EGFR: variants seen among roughly 807,000 people sequenced by gnomAD.
The protein encoded by EGFR is avian erythroblastic leukemia viral (v-erb-b) oncogene homolog.
In EGFR, 58 loss-of-function variants were observed where a neutral mutation model predicts 143.0. The observed-to-expected ratio is 0.41, with a 90% CI of 0.33 to 0.50. The LOEUF (loss-of-function observed/expected upper bound fraction) is 0.50. Ranked by LOEUF, EGFR falls within the 20% of genes least tolerant of loss-of-function variation. The pLI is 0.39. For missense variants in EGFR, 1,307 were observed against 1,579.0 expected (o/e 0.83, Z 2.92); for synonymous variants, 613 against 594.4 (o/e 1.03, Z -0.45).
chr7:55,028,280 G>A (rs1787051260), intron 1 of EGFR, among the ~76,000 whole-genome samples: 2 of 151,858 alleles, frequency 1.3e-5, no homozygotes, highest in Non-Finnish European at 2.9e-5. Flanking sequence ...TTGATGCATT[G>A]CACATAGTCT....
intron 1 of EGFR, among the ~76,000 whole-genome samples, chr7:55,094,419 GC>G (rs1473344114): frequency 6.6e-6 from 1 of 152,232 alleles, no homozygotes; most frequent in Non-Finnish European, 1.5e-5. Context: ...GGGGAGACTG[GC>G]CTATCCTGTC....
intron 1 of EGFR, among the ~76,000 whole-genome samples, chr7:55,117,254 G>C (rs1792914042): frequency 6.6e-6 from 1 of 152,218 alleles, no homozygotes; most frequent in Non-Finnish European, 1.5e-5. Flanking sequence ...AAGTGGAATA[G>C]AGATGTGGGT....
rs1395009808 is a variant in EGFR at position 55,170,730 on chromosome 7, G to A, written c.1881-445G>A. On this transcript the variant is annotated intron_variant, in intron 15 of 27. Transcript: ENST00000275493. Reference sequence around the variant, plus strand: ...GACCTCTTCCTCCTCGCTGCCAGATGATTGTTCAAAGCACAGAATTTGTCA... The same window carrying A: ...GACCTCTTCCTCCTCGCTGCCAGATAATTGTTCAAAGCACAGAATTTGTCA... The A allele has an allele frequency of 1.0e-5, 15 of 1,489,714 alleles. No individual in the cohort carries two copies. The Admixed American group carries it at 3.3e-4, about 33-fold the overall frequency. The allele number at this position is 1,489,714 out of a possible 1,614,324, so 92.3% of individuals were successfully genotyped here. A position where few individuals can be genotyped will look rare whatever the true frequency, so the allele number is the denominator to read the frequency against.
At chr7:55,145,613 G>T (rs1016219185) in intron 3 of EGFR, among the ~76,000 whole-genome samples, 1 of 152,176 alleles carries the variant, frequency 6.6e-6, no homozygotes, top group African/African-American at 2.4e-5. Flanking sequence ...CCTTTCCCAC[G>T]TTGGTACTCT....
chr7:55,088,490 G>A (rs969347280), intron 1 of EGFR, among the ~76,000 whole-genome samples: 2 of 152,174 alleles, frequency 1.3e-5, no homozygotes, highest in African/African-American at 2.4e-5. Context: ...GATTATACAG[G>A]GATAATTCCA....
chr7:55,179,363 C>T (rs1329003854), intron 19 of EGFR, among the ~76,000 whole-genome samples: 1 of 152,246 alleles, frequency 6.6e-6, no homozygotes, highest in East Asian at 1.9e-4. Context: ...AAAAGGTTCC[C>T]AGGCAATGCT....
At position 55,102,777 on chromosome 7, in the gene EGFR, A is replaced by T. The variant is rs192840885; in HGVS notation, c.89-39509A>T. Among the ~76,000 whole-genome samples, 22 of 152,286 alleles carry T rather than the reference A, an allele frequency of 1.4e-4. No homozygotes were observed. The South Asian group carries it at 2.7e-3, about 19-fold the overall frequency. On this transcript the variant is annotated intron_variant, in intron 1 of 27. Coordinates refer to ENST00000275493, the MANE Select transcript of EGFR (RefSeq NM_005228.5). ...TATATCTTAAATAGAAATTTTAAAAATTTTTTTAAAACTCCTGATAAACAT... is the reference window on the plus strand; with the variant it reads ...TATATCTTAAATAGAAATTTTAAAATTTTTTTTAAAACTCCTGATAAACAT...
chr7:55,195,889 T>C (rs1276421405), intron 22 of EGFR, among the ~76,000 whole-genome samples: 3 of 152,236 alleles, frequency 2.0e-5, no homozygotes. Flanking sequence ...CCATGGTGTA[T>C]ATGTACCACA....
At position 55,183,177 on chromosome 7, in the gene EGFR, C is replaced by T. The variant is rs138649182; in HGVS notation, c.2469+1699C>T. On this transcript the variant is annotated intron_variant, in intron 20 of 27. Coordinates refer to ENST00000275493, the MANE Select transcript of EGFR (RefSeq NM_005228.5). Reference sequence around the variant, plus strand: ...GCCTTTTCCTGTGTCTCTGCAACCACAGGCCCCTCTCCTTTCTCTTAATAA... The same window carrying T: ...GCCTTTTCCTGTGTCTCTGCAACCATAGGCCCCTCTCCTTTCTCTTAATAA... Among the ~76,000 whole-genome samples the T allele has an allele frequency of 5.5e-4, 83 of 152,284 alleles. 2 individuals are homozygous for T. In the South Asian group the frequency reaches 1.0e-2, roughly 18 times the overall value.
chr7:55,076,838 A>G (rs1790159616), intron 1 of EGFR, among the ~76,000 whole-genome samples: 1 of 152,070 alleles, frequency 6.6e-6, no homozygotes, highest in African/African-American at 2.4e-5. Flanking sequence ...CTATTTTCAT[A>G]ATGCCTGCCA....
intron 1 of EGFR, among the ~76,000 whole-genome samples, chr7:55,112,184 C>T (rs1386778937): frequency 4.6e-5 from 7 of 152,346 alleles, no homozygotes; most frequent in East Asian, 1.9e-4. Context: ...CTGCAGTCGG[C>T]GTCTCACCCC....
At chr7:55,096,776 C>T (rs1464807355) in intron 1 of EGFR, among the ~76,000 whole-genome samples, 3 of 152,270 alleles carry the variant, frequency 2.0e-5, no homozygotes, top group African/African-American at 7.2e-5. Flanking sequence ...TCAGCCCCTG[C>T]CAGCTTGCAG....
chr7:55,132,657 G>A (rs1353218951), intron 1 of EGFR, among the ~76,000 whole-genome samples: 1 of 141,306 alleles, frequency 7.1e-6, no homozygotes, highest in Non-Finnish European at 1.6e-5. Flanking sequence ...TTCTCGAGCT[G>A]ACTGACTTCT....
chr7:55,188,421 G>A (rs945393866), intron 20 of EGFR, among the ~76,000 whole-genome samples: 1 of 152,226 alleles, frequency 6.6e-6, no homozygotes, highest in Non-Finnish European at 1.5e-5. Flanking sequence ...AGCCCCGACA[G>A]CCATGTGGAG....
chr7:55,117,290 A>G (rs1792916241), intron 1 of EGFR, among the ~76,000 whole-genome samples: 1 of 152,204 alleles, frequency 6.6e-6, no homozygotes, highest in Non-Finnish European at 1.5e-5. Context: ...ACCTTTTTAG[A>G]TCGGTAAAAG....
intron 1 of EGFR, among the ~76,000 whole-genome samples, chr7:55,080,708 A>G (rs1467863369): frequency 1.3e-5 from 2 of 152,248 alleles, no homozygotes; most frequent in African/African-American, 2.4e-5. Flanking sequence ...ACCACACCAA[A>G]AAAAGGTATG....
At chr7:55,155,299 G>A (rs892602424) in intron 7 of EGFR, among the ~76,000 whole-genome samples, 4 of 152,124 alleles carry the variant, frequency 2.6e-5, no homozygotes, top group East Asian at 1.9e-4. Flanking sequence ...AAAATTAGCC[G>A]GGCGTGGTGG....
chr7:55,158,221 A>G (rs1272317416), intron 11 of EGFR, among the ~76,000 whole-genome samples: 1 of 152,182 alleles, frequency 6.6e-6, no homozygotes, highest in Admixed American at 6.5e-5. Flanking sequence ...ACCACTCTTC[A>G]AGAATTTCCA....
intron 19 of EGFR, chr7:55,181,002 C>G: frequency 1.9e-6 from 1 of 533,046 alleles, no homozygotes; most frequent in East Asian, 3.2e-5. Context: ...CAGGTGACTC[C>G]GACTCCTCCT....
Sources: allele counts gnomAD v4.1 joint callset (sites outside exome capture counted in the v4.1 genomes callset), GRCh38; gene constraint gnomAD v4.1.1; transcripts MANE v1.5; gene names NCBI Gene and HGNC (gene_info 2026-07-23, HGNC 2026-07-21).